NPHP4: variants seen among roughly 807,000 people sequenced by gnomAD.
NPHP4 encodes the protein nephrocystin 4.
NPHP4 carries 151 observed loss-of-function variants against 155.8 expected under a neutral mutation model. The ratio of observed to expected loss-of-function variants is 0.97; its 90% CI spans 0.85 to 1.11. NPHP4 has a LOEUF of 1.11. NPHP4 is among the 50% of genes least tolerant of loss of function. The probability of loss-of-function intolerance (pLI) is 0.00; values close to 1 mark genes in which losing one functional copy is unlikely to be tolerated. For synonymous variants in NPHP4, 845 were observed against 816.8 expected (o/e 1.03, Z -0.59); for missense variants, 1,956 against 1,925.7 (o/e 1.02, Z -0.29).
chr1:5,901,457 T>C (rs1027877590), intron 16 of NPHP4, among the ~76,000 whole-genome samples: 2 of 152,240 alleles, frequency 1.3e-5, no homozygotes, highest in Non-Finnish European at 2.9e-5. Flanking sequence ...GTGGGGTTTT[T>C]TTGGACTTCA....
Position 5,879,798 on chromosome 1 carries a change from A to AAC in NPHP4, c.2611+314_2611+315dup, listed in dbSNP as rs1231853008. 1.7e-4 allele frequency among the ~76,000 whole-genome samples: 13 copies of AAC among 75,776 alleles called. No homozygotes were observed. The East Asian group carries it at 2.2e-3, about 13-fold the overall frequency. The allele number at this position is 75,776 out of a possible 152,430, so 49.7% of individuals were successfully genotyped here. A position where few individuals can be genotyped will look rare whatever the true frequency, so the allele number is the denominator to read the frequency against. Reference sequence around the variant, plus strand: ...GTGCGCACACACACACACACACGCAAACACACACACACACGCAAACACACA... The same window carrying AAC: ...GTGCGCACACACACACACACACGCAAACACACACACACACACGCAAACACACA... On this transcript the variant is annotated intron_variant, in intron 19 of 29. Coordinates refer to ENST00000378156, the MANE Select transcript of NPHP4 (RefSeq NM_015102.5).
At chr1:5,883,215 C>CT (rs1325666191) in intron 18 of NPHP4, among the ~76,000 whole-genome samples, 1 of 152,222 alleles carries the variant, frequency 6.6e-6, no homozygotes, top group African/African-American at 2.4e-5. Flanking sequence ...CCAGCCCAGC[C>CT]TGCCTGTGCC....
chr1:5,986,262 G>C lies in NPHP4; in HGVS notation c.28C>G (p.Gln10Glu). The C allele has an allele frequency of 6.2e-7, 1 of 1,613,848 alleles. No homozygotes were observed. Among genetic ancestry groups the C allele is most frequent in the African/African-American group, 1.3e-5 (1 of 75,050 alleles). Residue 10 changes from glutamine to glutamate, a missense_variant, in exon 2 of 30, where the codon CAA becomes GAA. Coordinates refer to ENST00000378156, the MANE Select transcript of NPHP4 (RefSeq NM_015102.5). ...GGGTGGGGAGGGACAAGCACGTTTT[G>C]GGTGAAGATCCTGTGCCAGTCGTTC... MNDWHRIFT[Q>E]NVLVPPHPQR...
At chr1:5,926,777 G>A (rs1429818142) in intron 11 of NPHP4, among the ~76,000 whole-genome samples, 1 of 152,098 alleles carries the variant, frequency 6.6e-6, no homozygotes, top group Non-Finnish European at 1.5e-5. Context: ...CTCCTCCCTC[G>A]ACACCCGGGC....
chr1:5,964,941 A>ATATTTTTTT, intron 5 of NPHP4, among the ~76,000 whole-genome samples: 1,194 of 59,238 alleles, frequency 0.02, 70 homozygotes, highest in South Asian at 0.025. Context: ...ATATATATAT[A>ATATTTTTTT]TTTTTTTTTT....
chr1:5,932,772 C>A (rs1646341163), intron 10 of NPHP4, among the ~76,000 whole-genome samples: 1 of 152,036 alleles, frequency 6.6e-6, no homozygotes, highest in Non-Finnish European at 1.5e-5. Context: ...GGCTAGAAAC[C>A]AGAACCGGCT....
In NPHP4 at chr1:5,910,802, AC is replaced by A. The variant is rs1423064294; in HGVS notation, c.1442-1590del. ...CGTGCCTCTCCCAGCAGCTTCCAGA[AC>A]CCATCCAAGGAGGTGCTTCCCCAGC... On this transcript the variant is annotated intron_variant, in intron 11 of 29. Transcript: ENST00000378156. The surrounding 1 kb of genome is among the most constrained non-coding windows in gnomAD (Gnocchi z 5.4). Among the ~76,000 whole-genome samples, 2 of 152,178 alleles carry A rather than the reference AC, an allele frequency of 1.3e-5. No homozygotes were observed. Among genetic ancestry groups the A allele is most frequent in the Non-Finnish European group, 2.9e-5 (2 of 68,020 alleles).
chr1:5,905,639 T>C lies in NPHP4; in HGVS notation c.1756A>G (p.Thr586Ala). ...CCCAGACCCACACCTCACCTCCTGG[T>C]CTGGGTTCCCACAACAATAGGGGCA... Reference protein sequence around the residue: ...LHAPIVVGTQTRSSAGQPSRA... With the variant: ...LHAPIVVGTQARSSAGQPSRA... The change falls in exon 14 of 30, where the codon ACC becomes GCC. Residue 586 changes from threonine to alanine, a missense_variant. Physicochemically the swap from Thr to Ala is moderately conservative, Grantham distance 58. Transcript: ENST00000378156. The surrounding 1 kb of genome is among the most constrained non-coding windows in gnomAD (Gnocchi z 4.0). 6.2e-7 allele frequency: 1 copy of C among 1,613,898 alleles called. No individual in the cohort carries two copies. Among genetic ancestry groups the C allele is most frequent in the Non-Finnish European group, 8.5e-7 (1 of 1,179,862 alleles).
chr1:5,876,186 G>A (rs953804251), intron 20 of NPHP4: 1 of 152,076 alleles, frequency 6.6e-6, no homozygotes. Flanking sequence ...TCCAGGCTAG[G>A]GGCCTCCAGA....
At chr1:5,983,677 G>C (rs1655052506) in intron 2 of NPHP4, among the ~76,000 whole-genome samples, 2 of 152,150 alleles carry the variant, frequency 1.3e-5, no homozygotes, top group Non-Finnish European at 2.9e-5. Context: ...AGTCCTCTTA[G>C]AGACTCTTCA....
At chr1:5,863,443 G>A in intron 29 of NPHP4, 38 bp from the exon 30 acceptor site, 2 of 1,607,536 alleles carry the variant, frequency 1.2e-6, no homozygotes, top group East Asian at 2.2e-5. Context: ...TCCACCCCCG[G>A]GCTGTCCCAC....
At chr1:5,962,841 G>A (rs748684100) in intron 5 of NPHP4, among the ~76,000 whole-genome samples, 1 of 152,230 alleles carries the variant, frequency 6.6e-6, no homozygotes, top group Admixed American at 6.5e-5. Flanking sequence ...AGAAACGGGA[G>A]TGCGGGGAGA....
intron 27 of NPHP4, 91 bp from the exon 28 acceptor site, chr1:5,864,608 G>C (rs1251110597): frequency 7.9e-7 from 1 of 1,266,396 alleles, no homozygotes; most frequent in Non-Finnish European, 1.1e-6. Flanking sequence ...TCAGCCAGGG[G>C]AGCCCAAGGT....
chr1:5,964,236 C>G (rs901223268), intron 5 of NPHP4, among the ~76,000 whole-genome samples: 1 of 152,136 alleles, frequency 6.6e-6, no homozygotes, highest in South Asian at 2.1e-4. Flanking sequence ...AAAACGACCC[C>G]GGAAGGGTCT....
At chr1:5,940,207 G>A (rs956341420) in intron 9 of NPHP4, among the ~76,000 whole-genome samples, 11 of 152,150 alleles carry the variant, frequency 7.2e-5, no homozygotes, top group African/African-American at 2.7e-4. Context: ...AGGGTGGAGT[G>A]AATGGATGAA....
rs1644064342 is a variant in NPHP4, at chr1:5,890,503, T to C, written c.2304+365A>G. On this transcript the variant is annotated intron_variant, in intron 17 of 29. Coordinates refer to ENST00000378156, the MANE Select transcript of NPHP4 (RefSeq NM_015102.5). The surrounding 1 kb of genome is among the most constrained non-coding windows in gnomAD (Gnocchi z 4.9). ...CAGGTCACACTGCACACCCCAGTCATTCGCGTATCCATTCATTCATCCTCA... is the reference window on the plus strand; with the variant it reads ...CAGGTCACACTGCACACCCCAGTCACTCGCGTATCCATTCATTCATCCTCA... Among the ~76,000 whole-genome samples, 1 of 152,130 alleles carries C rather than the reference T, an allele frequency of 6.6e-6. No individual in the cohort carries two copies. The highest frequency in any genetic ancestry group is 1.5e-5 in the Non-Finnish European group (1 of 68,026).
In NPHP4 at chr1:5,890,306, G is replaced by A. The variant is rs1644054369; in HGVS notation, c.2304+562C>T. 6.6e-6 allele frequency among the ~76,000 whole-genome samples: 1 copy of A among 152,146 alleles called. No individual in the cohort carries two copies. Among genetic ancestry groups the A allele is most frequent in the Non-Finnish European group, 1.5e-5 (1 of 68,026 alleles). On this transcript the variant is annotated intron_variant, in intron 17 of 29. Transcript: ENST00000378156. The surrounding 1 kb of genome is among the most constrained non-coding windows in gnomAD (Gnocchi z 4.9). ...GTCCTTGGCCCAAGAGTTGTCATGG[G>A]GTCCCCTTCATACAATGGAGAAGGC...
chr1:5,907,184 C>A lies in NPHP4; in HGVS notation c.1542G>T (p.Pro514=). 6.3e-7 allele frequency: 1 copy of A among 1,588,104 alleles called. No homozygotes were observed. The highest frequency in any genetic ancestry group is 1.2e-5 in the South Asian group (1 of 86,556). ...ISQLAASPRS[P]TQHCLARPTS... ...TAGGCCTGGCCAAGCAGTGCTGAGT[C>A]GGGGACCGCGGGGAGGCCGCCAGCT... The change falls in exon 13 of 30, where the codon CCG becomes CCT. Residue 514 remains proline, a synonymous_variant. Coordinates refer to ENST00000378156, the MANE Select transcript of NPHP4 (RefSeq NM_015102.5).
chr1:5,968,324 G>A (rs775472280), intron 4 of NPHP4, among the ~76,000 whole-genome samples: 4 of 152,078 alleles, frequency 2.6e-5, no homozygotes, highest in African/African-American at 4.8e-5. Flanking sequence ...AAACCCAGCC[G>A]GACACAGCGG....
Sources: allele counts gnomAD v4.1 joint callset (sites outside exome capture counted in the v4.1 genomes callset), GRCh38; gene constraint gnomAD v4.1.1; non-coding constraint Gnocchi (gnomAD v3.1); transcripts MANE v1.5; gene names NCBI Gene and HGNC (gene_info 2026-07-23, HGNC 2026-07-21).